The following PARD6G variants were observed in gnomAD, a reference collection of about 807,000 sequenced individuals.
PARD6G encodes partitioning defective 6 homolog gamma.
A neutral mutation model predicts 10.7 loss-of-function variants in PARD6G; 7 were observed. The ratio of observed to expected loss-of-function variants is 0.66; its 90% confidence interval spans 0.37 to 1.23. PARD6G has a LOEUF of 1.23. Among genes scored for constraint, PARD6G ranks in the 50% most tolerant of loss-of-function variants. The probability of loss-of-function intolerance (pLI) is 0.02; values close to 1 mark genes in which losing one functional copy is unlikely to be tolerated. For missense variants in PARD6G, 548 were observed against 571.8 expected, an observed-to-expected ratio of 0.96 and a Z score of 0.42; for synonymous variants, 287 against 269.4, an observed-to-expected ratio of 1.07 and a Z score of -0.64.
intron 2 of PARD6G, among the ~76,000 whole-genome samples, chr18:80,172,142 T>TC (rs1241281789): frequency 6.6e-6 from 1 of 152,080 alleles, no homozygotes; most frequent in African/African-American, 2.4e-5. Flanking sequence ...CATTTTCTAT[T>TC]CCCCCCAGCA....
chr18:80,195,884 A>C (rs1966952158), intron 2 of PARD6G, among the ~76,000 whole-genome samples: 1 of 125,934 alleles, frequency 7.9e-6, no homozygotes, highest in Non-Finnish European at 1.8e-5. Context: ...CAAGAAAAAA[A>C]AAAGTAAACT....
chr18:80,191,792 T>A (rs1163970893), intron 2 of PARD6G, among the ~76,000 whole-genome samples: 1 of 152,218 alleles, frequency 6.6e-6, no homozygotes, highest in East Asian at 1.9e-4. Context: ...TTAAAACTCC[T>A]TCAATTTCAA....
At chr18:80,239,158 G>A (rs1568445231) in intron 1 of PARD6G, among the ~76,000 whole-genome samples, 1 of 152,090 alleles carries the variant, frequency 6.6e-6, no homozygotes, top group Non-Finnish European at 1.5e-5. Flanking sequence ...AGGTGGGGCA[G>A]GGGCCAGGGT....
chr18:80,237,046 A>G lies in PARD6G; in HGVS notation c.72+10231T>C, dbSNP rs12327380. 8.5e-4 allele frequency among the ~76,000 whole-genome samples: 130 copies of G among 152,352 alleles called. 1 individual carries two copies. The highest frequency in any genetic ancestry group is 3.4e-3 in the Middle Eastern group (1 of 294). ...AAAAAGAACCCGCATTGCCAAGTCA[A>G]TCCTAAGCCAAAAGAACAAAGCTGG... On this transcript the variant is annotated intron_variant, in intron 1 of 2. Coordinates refer to ENST00000353265, the MANE Select transcript of PARD6G (RefSeq NM_032510.4).
chr18:80,219,253 G>C (rs1236645475), intron 1 of PARD6G, among the ~76,000 whole-genome samples: 1 of 152,144 alleles, frequency 6.6e-6, no homozygotes, highest in East Asian at 1.9e-4. Context: ...TCTTGTCCCA[G>C]ACTGGAGTGC....
At chr18:80,244,532 T>C (rs1008481698) in intron 1 of PARD6G, among the ~76,000 whole-genome samples, 2 of 152,130 alleles carry the variant, frequency 1.3e-5, no homozygotes, top group Non-Finnish European at 2.9e-5. Context: ...TCCAACCCAA[T>C]ATCTTAAAAT....
intron 2 of PARD6G, among the ~76,000 whole-genome samples, chr18:80,186,400 C>T (rs1234987289): frequency 2.1e-5 from 3 of 145,628 alleles, no homozygotes; most frequent in African/African-American, 7.8e-5. Context: ...CTCACACATG[C>T]ATGCACCCTC....
chr18:80,195,576 C>CATATATATATATATATATGTATATAT (rs1966947514), intron 2 of PARD6G, among the ~76,000 whole-genome samples: 1 of 56,910 alleles, frequency 1.8e-5, no homozygotes, highest in Admixed American at 1.9e-4. Flanking sequence ...TATATATACA[C>CATATATATATATATATATGTATATAT]ACATTTTTTT....
At chr18:80,237,977 C>A (rs1442062912) in intron 1 of PARD6G, among the ~76,000 whole-genome samples, 1 of 152,038 alleles carries the variant, frequency 6.6e-6, no homozygotes, top group Non-Finnish European at 1.5e-5. Context: ...TACCATTTGA[C>A]CCAGCCATCC....
At position 80,184,037 on chromosome 18, in the gene PARD6G, A is replaced by T. The variant is rs577616196; in HGVS notation, c.295+18673T>A. On this transcript the variant is annotated intron_variant, in intron 2 of 2. Coordinates refer to ENST00000353265, the MANE Select transcript of PARD6G (RefSeq NM_032510.4). The surrounding 1 kb of genome is among the most constrained non-coding windows in gnomAD (Gnocchi z 4.5). ...AAGAACTCTGTTTTTCTTGGTCCAA[A>T]CCAGAGGAAATTTATTGTCCAAACC... The T allele has an allele frequency of 5.5e-4, 84 of 152,328 alleles. No individual in the cohort carries two copies. The highest frequency in any genetic ancestry group is 1.9e-3 in the African/African-American group (77 of 41,564). 9.4% of individuals were successfully genotyped at this position (152,328 alleles called of 1,614,324 possible). A position where few individuals can be genotyped will look rare whatever the true frequency, so the allele number is the denominator to read the frequency against.
chr18:80,221,820 T>C (rs1568440939), intron 1 of PARD6G, among the ~76,000 whole-genome samples: 1 of 152,212 alleles, frequency 6.6e-6, no homozygotes, highest in Admixed American at 6.5e-5. Flanking sequence ...CAAAACCTTA[T>C]TAGAGTTAAT....
chr18:80,180,487 G>A lies in PARD6G; in HGVS notation c.296-19881C>T, dbSNP rs977470936. On this transcript the variant is annotated intron_variant, in intron 2 of 2. Transcript: ENST00000353265. This position sits in a 1 kb window ranked among gnomAD's most constrained non-coding sequence, Gnocchi z 5.6. The stretch of plus-strand genomic sequence containing the variant: ...TGGTGTACACCCCCCAGGTATCACC[G>A]GGGCCCTCCCAGGACCAACCCAGCC... Among the ~76,000 whole-genome samples, 2 of 152,114 alleles carry A rather than the reference G, an allele frequency of 1.3e-5. No individual in the cohort carries two copies. Among genetic ancestry groups the A allele is most frequent in the African/African-American group, 2.4e-5 (1 of 41,414 alleles).
At chr18:80,220,335 A>G (rs1262185076) in intron 1 of PARD6G, among the ~76,000 whole-genome samples, 3 of 152,198 alleles carry the variant, frequency 2.0e-5, no homozygotes, top group African/African-American at 7.2e-5. Context: ...GGGGACTACA[A>G]CTCAAGATGA....
At chr18:80,170,971 G>C (rs980244910) in intron 2 of PARD6G, 1 of 152,240 alleles carries the variant, frequency 6.6e-6, no homozygotes, top group South Asian at 2.1e-4. Context: ...GACGGGAAAG[G>C]AATGAGCAGA....
At chr18:80,223,945 T>C (rs1179633161) in intron 1 of PARD6G, among the ~76,000 whole-genome samples, 1 of 152,208 alleles carries the variant, frequency 6.6e-6, no homozygotes, top group African/African-American at 2.4e-5. Flanking sequence ...CCAACCCAGC[T>C]GGCAGGGCTG....
chr18:80,247,467 G>T lies in PARD6G; in HGVS notation c.-119C>A, dbSNP rs1332138691. ...CCCGGCCCGCGCTCGCTTGGCCGGC[G>T]GGCTGCTCCCGGTGCTGCGGGCCCG... On this transcript the variant is annotated 5_prime_UTR_variant, in exon 1 of 3. Coordinates refer to ENST00000353265, the MANE Select transcript of PARD6G (RefSeq NM_032510.4). The surrounding 1 kb of genome is among the most constrained non-coding windows in gnomAD (Gnocchi z 4.2). 50 of 587,594 alleles carry T rather than the reference G, an allele frequency of 8.5e-5. No homozygotes were observed. The highest frequency in any genetic ancestry group is 5.0e-4 in the Admixed American group (9 of 18,070). 36.4% of individuals were successfully genotyped at this position (587,594 alleles called of 1,614,324 possible).
At chr18:80,243,405 A>G (rs997303830) in intron 1 of PARD6G, among the ~76,000 whole-genome samples, 9 of 152,184 alleles carry the variant, frequency 5.9e-5, no homozygotes, top group African/African-American at 1.9e-4. Flanking sequence ...CAGGCACACA[A>G]AAGACCGGAA....
In PARD6G at chr18:80,231,554, A is replaced by G. The variant is rs757943293; in HGVS notation, c.72+15723T>C. On this transcript the variant is annotated intron_variant, in intron 1 of 2. Coordinates refer to ENST00000353265, the MANE Select transcript of PARD6G (RefSeq NM_032510.4). The surrounding 1 kb of genome is among the most constrained non-coding windows in gnomAD (Gnocchi z 4.2). ...TCTGAGTGGACACACCTGGGTTCCAATCCTCACCTGTACTGGCTGTGTAAC... is the reference window on the plus strand; with the variant it reads ...TCTGAGTGGACACACCTGGGTTCCAGTCCTCACCTGTACTGGCTGTGTAAC... 6.6e-6 allele frequency among the ~76,000 whole-genome samples: 1 copy of G among 152,164 alleles called. No individual in the cohort carries two copies. Among genetic ancestry groups the G allele is most frequent in the African/African-American group, 2.4e-5 (1 of 41,426 alleles).
chr18:80,190,259 C>T (rs898521398), intron 2 of PARD6G, among the ~76,000 whole-genome samples: 2 of 64,660 alleles, frequency 3.1e-5, no homozygotes, highest in Non-Finnish European at 6.9e-5. Flanking sequence ...AAGAAGCTGT[C>T]CTGTGCACCG....
Sources: allele counts gnomAD v4.1 joint callset (sites outside exome capture counted in the v4.1 genomes callset), GRCh38; gene constraint gnomAD v4.1.1; non-coding constraint Gnocchi (gnomAD v3.1); transcripts MANE v1.5; gene names NCBI Gene and HGNC (gene_info 2026-07-23, HGNC 2026-07-21).